Variants in CD109 observed in about 807,000 individuals in gnomAD.
CD109 encodes CD109 molecule.
In CD109, 149 loss-of-function variants were observed where a neutral mutation model predicts 165.8. The observed-to-expected ratio is 0.90, with a 90% CI of 0.79 to 1.03. The LOEUF is 1.03. Ranked by LOEUF, CD109 falls within the 50% of genes least tolerant of loss-of-function variation. The pLI, the probability that CD109 is intolerant of heterozygous loss-of-function variation, is 0.00. For missense variants in CD109, 1,712 were observed against 1,677.8 expected, an observed-to-expected ratio of 1.02 and a Z score of -0.36; for synonymous variants, 585 against 592.1, an observed-to-expected ratio of 0.99 and a Z score of 0.18.
At chr6:73,731,051 CT>C (rs1405149756) in intron 4 of CD109, among the ~76,000 whole-genome samples, 183 of 144,864 alleles carry the variant, frequency 1.3e-3, no homozygotes, top group Admixed American at 1.4e-3. Context: ...TTCTTTCTTT[CT>C]TTTTTTTTTT....
intron 4 of CD109, among the ~76,000 whole-genome samples, chr6:73,732,820 T>G (rs948380946): frequency 6.6e-6 from 1 of 152,252 alleles, no homozygotes; most frequent in African/African-American, 2.4e-5. Flanking sequence ...TGGGCTCTTC[T>G]GTGCAGTTTG....
chr6:73,820,219 C>T (rs1458380871), intron 31 of CD109, among the ~76,000 whole-genome samples: 3 of 152,130 alleles, frequency 2.0e-5, no homozygotes, highest in Non-Finnish European at 2.9e-5. Flanking sequence ...CTTACTTAAC[C>T]ACTCTAATTC....
chr6:73,811,086 C>T lies in CD109; in HGVS notation c.3641C>T (p.Ser1214Leu). 1.2e-6 allele frequency: 2 copies of T among 1,613,450 alleles called. No homozygotes were observed. Among genetic ancestry groups the T allele is most frequent in the South Asian group, 1.1e-5 (1 of 91,044 alleles). ...CAAGTGACCGTGACGGGGCCTAGCT[C>T]ACCAAGTCCTGTAAAGTTTCTGATT... The part of the protein sequence containing the change: ...NIQVTVTGPS[S>L]PSPVKFLIDT... The change falls in exon 28 of 33, where the codon TCA becomes TTA. Residue 1214 changes from serine to leucine, a missense_variant. By Grantham distance (145) the Ser-to-Leu change is moderately radical. Coordinates refer to ENST00000287097, the MANE Select transcript of CD109 (RefSeq NM_133493.5).
Position 73,823,438 on chromosome 6 carries a change from A to T in CD109, c.4163-20A>T. 6.3e-7 allele frequency: 1 copy of T among 1,587,230 alleles called. No individual in the cohort carries two copies. The highest frequency in any genetic ancestry group is 1.1e-5 in the South Asian group (1 of 89,166). ...CTAAACAAGGGAGCCGTGTGAACTG[A>T]TGTCTGCTTCTTTGAACAGGGAGAC... On this transcript the variant is annotated intron_variant, in intron 32 of 32. Coordinates refer to ENST00000287097, the MANE Select transcript of CD109 (RefSeq NM_133493.5).
At chr6:73,822,955 C>G (rs1250045635) in intron 32 of CD109, among the ~76,000 whole-genome samples, 2 of 152,174 alleles carry the variant, frequency 1.3e-5, no homozygotes, top group African/African-American at 4.8e-5. Flanking sequence ...CTTTTAGATA[C>G]TATATGCTGA....
intron 32 of CD109, among the ~76,000 whole-genome samples, chr6:73,821,073 C>T (rs1442391424): frequency 1.3e-5 from 2 of 152,082 alleles, no homozygotes; most frequent in Non-Finnish European, 2.9e-5. Context: ...AAACCAAATG[C>T]TGCATGTTCG....
chr6:73,784,972 C>A (rs1459987037), intron 19 of CD109, among the ~76,000 whole-genome samples: 1 of 152,126 alleles, frequency 6.6e-6, no homozygotes, highest in Non-Finnish European at 1.5e-5. Context: ...ATTAGACAGG[C>A]TGGGTTCTAG....
intron 22 of CD109, among the ~76,000 whole-genome samples, chr6:73,791,812 G>A (rs555258692): frequency 6.6e-6 from 1 of 152,052 alleles, no homozygotes; most frequent in South Asian, 2.1e-4. Flanking sequence ...CACAGCTTCA[G>A]TCTATTCATA....
chr6:73,783,881 T>C (rs1774595495), intron 19 of CD109, 57 bp downstream of exon 19: 8 of 913,452 alleles, frequency 8.8e-6, no homozygotes, highest in African/African-American at 1.9e-5. Context: ...TAATACAGCG[T>C]CAGCTCCTCA....
chr6:73,702,785 G>A (rs1771130095), intron 2 of CD109, among the ~76,000 whole-genome samples: 1 of 152,080 alleles, frequency 6.6e-6, no homozygotes, highest in South Asian at 2.1e-4. Flanking sequence ...GATATTGTGA[G>A]GATTAAATGA....
intron 30 of CD109, among the ~76,000 whole-genome samples, chr6:73,815,874 A>G (rs1775920185): frequency 6.6e-6 from 1 of 152,134 alleles, no homozygotes; most frequent in African/African-American, 2.4e-5. Context: ...ATTCTCTTAC[A>G]TCTGCATTAT....
intron 5 of CD109, among the ~76,000 whole-genome samples, chr6:73,737,893 T>C (rs1220342466): frequency 6.6e-6 from 1 of 152,216 alleles, no homozygotes; most frequent in Non-Finnish European, 1.5e-5. Context: ...TTGAATATTA[T>C]TTTCAGTTCC....
Position 73,710,205 on chromosome 6 carries a change from C to T in CD109, c.247+12633C>T, listed in dbSNP as rs1771470753. ...TATCTAGAAAACCCCATTGTCTCAG[C>T]CCAAAATCTCCTTAAGCTGATAAGC... On this transcript the variant is annotated intron_variant, in intron 2 of 32. Coordinates refer to ENST00000287097, the MANE Select transcript of CD109 (RefSeq NM_133493.5). Among the ~76,000 whole-genome samples the T allele has an allele frequency of 2.0e-5, 3 of 152,228 alleles. No homozygotes were observed. The South Asian group carries it at 6.2e-4, about 32-fold the overall frequency.
intron 2 of CD109, among the ~76,000 whole-genome samples, chr6:73,706,807 A>G (rs1582036993): frequency 1.3e-5 from 2 of 152,318 alleles, no homozygotes; most frequent in South Asian, 4.1e-4. Context: ...TTTAAAGAAC[A>G]CCTAGTAGCT....
At chr6:73,821,852 C>T (rs1224247882) in intron 32 of CD109, among the ~76,000 whole-genome samples, 2 of 152,150 alleles carry the variant, frequency 1.3e-5, no homozygotes, top group Non-Finnish European at 2.9e-5. Context: ...CAAACTTGTA[C>T]ATGTACCCCT....
intron 4 of CD109, among the ~76,000 whole-genome samples, chr6:73,730,818 A>C (rs1772340762): frequency 6.6e-6 from 1 of 152,226 alleles, no homozygotes; most frequent in African/African-American, 2.4e-5. Flanking sequence ...ACAGTTGTCA[A>C]ACATTTATTA....
At chr6:73,823,428 G>C in intron 32 of CD109, 30 bp from the exon 33 acceptor site, 1 of 1,559,280 alleles carries the variant, frequency 6.4e-7, no homozygotes, top group Non-Finnish European at 8.8e-7. Flanking sequence ...CAAGGGAGCC[G>C]TGTGAACTGA....
At chr6:73,760,659 A>G (rs959566880) in intron 7 of CD109, among the ~76,000 whole-genome samples, 21 of 152,036 alleles carry the variant, frequency 1.4e-4, no homozygotes, top group African/African-American at 5.1e-4. Context: ...CAGCCTGGCC[A>G]ATATGGTGAA....
At chr6:73,722,735 T>G (rs1772004974) in intron 2 of CD109, among the ~76,000 whole-genome samples, 1 of 152,218 alleles carries the variant, frequency 6.6e-6, no homozygotes, top group Admixed American at 6.5e-5. Flanking sequence ...GAAATTGGCA[T>G]GAGTTTAATT....
Sources: gnomAD v4.1 joint callset for allele counts (sites outside exome capture counted in the v4.1 genomes callset) on GRCh38, gnomAD v4.1.1 for gene constraint, MANE v1.5 for transcripts, NCBI Gene and HGNC (gene_info 2026-07-23, HGNC 2026-07-21) for gene names.